The following SLC24A4 variants were observed in gnomAD, a reference collection of about 807,000 sequenced individuals.
SLC24A4 encodes sodium/potassium/calcium exchanger 4.
SLC24A4 carries 53 observed loss-of-function variants against 79.0 expected under a neutral mutation model. The observed-to-expected ratio is 0.67, with a 90% confidence interval of 0.54 to 0.84. The LOEUF (loss-of-function observed/expected upper bound fraction) is 0.84. Ranked by LOEUF, SLC24A4 falls within the 40% of genes least tolerant of loss-of-function variation. The pLI is 0.00. For synonymous variants in SLC24A4, 323 were observed against 323.8 expected, an observed-to-expected ratio of 1.00 and a Z score of 0.03; for missense variants, 731 against 822.0, an observed-to-expected ratio of 0.89 and a Z score of 1.35.
intron 2 of SLC24A4, among the ~76,000 whole-genome samples, chr14:92,412,455 G>C (rs187521909): frequency 1.8e-4 from 27 of 152,278 alleles, no homozygotes; most frequent in Middle Eastern, 3.4e-3. Flanking sequence ...TCAACGCCCC[G>C]CACTCTGAGT....
chr14:92,393,046 G>A (rs1448294947), intron 2 of SLC24A4, among the ~76,000 whole-genome samples: 3 of 148,208 alleles, frequency 2.0e-5, no homozygotes, highest in South Asian at 2.2e-4. Context: ...GTGAGGTCAC[G>A]TGGGAGGCGC....
chr14:92,362,011 G>A (rs921342918), intron 2 of SLC24A4, among the ~76,000 whole-genome samples: 5 of 152,188 alleles, frequency 3.3e-5, no homozygotes, highest in Non-Finnish European at 5.9e-5. Context: ...GGTGGTGCTT[G>A]AGAAGTATTT....
chr14:92,460,011 G>T (rs1322546610), intron 12 of SLC24A4, among the ~76,000 whole-genome samples: 1 of 152,142 alleles, frequency 6.6e-6, no homozygotes, highest in Non-Finnish European at 1.5e-5. Flanking sequence ...GGAATCACAG[G>T]ACCAGGGGAG....
rs552301427 is a variant in SLC24A4 at position 92,499,902 on chromosome 14, C to A, written c.*6274C>A. On this transcript the variant is annotated 3_prime_UTR_variant, in exon 17 of 17. Transcript: ENST00000532405. ...TTGCCCAGGCTGGAGTGCAGTGGCGCGATCTCCACTCACTGCAAGCTCCGC... is the reference window on the plus strand; with the variant it reads ...TTGCCCAGGCTGGAGTGCAGTGGCGAGATCTCCACTCACTGCAAGCTCCGC... 2 of 149,228 alleles carry A rather than the reference C, an allele frequency of 1.3e-5. No individual in the cohort carries two copies. Among genetic ancestry groups the A allele is most frequent in the African/African-American group, 5.0e-5 (2 of 40,364 alleles). 9.2% of individuals were successfully genotyped at this position (149,228 alleles called of 1,614,324 possible).
At position 92,372,919 on chromosome 14, in the gene SLC24A4, TTCTTTCTC is replaced by T. The variant is rs759243367; in HGVS notation, c.241+46943_241+46950del. On this transcript the variant is annotated intron_variant, in intron 2 of 16. Transcript: ENST00000532405. ...TTCCTTCCTTCCTTCCTTCCTTCCT[TTCTTTCTC>T]TTTCTTTCTTTTTCTCTCTCTCTCT... 2.3e-4 allele frequency among the ~76,000 whole-genome samples: 21 copies of T among 90,026 alleles called. 1 individual carries two copies. Among genetic ancestry groups the T allele is most frequent in the Admixed American group, 2.1e-3 (18 of 8,414 alleles). 59.1% of individuals were successfully genotyped at this position (90,026 alleles called of 152,430 possible).
chr14:92,365,567 T>G (rs1016811791), intron 2 of SLC24A4, among the ~76,000 whole-genome samples: 1 of 152,172 alleles, frequency 6.6e-6, no homozygotes, highest in African/African-American at 2.4e-5. Context: ...CCTCAGACCC[T>G]TCCCCTCTGT....
intron 10 of SLC24A4, chr14:92,453,575 C>T (rs977127320): frequency 1.3e-5 from 3 of 239,980 alleles, no homozygotes; most frequent in African/African-American, 6.8e-5. Flanking sequence ...CCTGGTAAGG[C>T]TTAGATAACG....
intron 2 of SLC24A4, among the ~76,000 whole-genome samples, chr14:92,413,461 T>A (rs1385715125): frequency 6.6e-6 from 1 of 152,228 alleles, no homozygotes; most frequent in African/African-American, 2.4e-5. Context: ...TCATCTTTGC[T>A]GAGTTAGAAA....
At chr14:92,345,205 T>G (rs1012074085) in intron 2 of SLC24A4, among the ~76,000 whole-genome samples, 1 of 152,182 alleles carries the variant, frequency 6.6e-6, no homozygotes, top group South Asian at 2.1e-4. Context: ...CCACCATTCA[T>G]TCATCATTCA....
chr14:92,359,393 G>A (rs1181447392), intron 2 of SLC24A4, among the ~76,000 whole-genome samples: 1 of 152,070 alleles, frequency 6.6e-6, no homozygotes, highest in East Asian at 1.9e-4. Context: ...GGCCAACATG[G>A]TGAAACCCTA....
chr14:92,356,173 A>G (rs1309941940), intron 2 of SLC24A4, among the ~76,000 whole-genome samples: 1 of 152,176 alleles, frequency 6.6e-6, no homozygotes, highest in East Asian at 1.9e-4. Context: ...TGTTCTGAGC[A>G]TGCTTAAGAT....
intron 2 of SLC24A4, among the ~76,000 whole-genome samples, chr14:92,406,171 T>A (rs1486822992): frequency 6.6e-6 from 1 of 152,152 alleles, no homozygotes; most frequent in Non-Finnish European, 1.5e-5. Flanking sequence ...TCCAAAATAA[T>A]CTCCTTTGAC....
chr14:92,485,455 G>A (rs1895297262), intron 13 of SLC24A4, among the ~76,000 whole-genome samples: 1 of 151,322 alleles, frequency 6.6e-6, no homozygotes, highest in Admixed American at 6.6e-5. Context: ...ATGGAGCAGA[G>A]CAAGATCCTG....
intron 14 of SLC24A4, among the ~76,000 whole-genome samples, chr14:92,487,517 A>G (rs565556430): frequency 9.3e-4 from 142 of 152,232 alleles, no homozygotes; most frequent in African/African-American, 3.4e-3. Context: ...CCTCCAAGAT[A>G]AAGGGTTGAT....
In SLC24A4 at chr14:92,490,739, G is replaced by A. The variant is rs375295291; in HGVS notation, c.1538-926G>A. Among the ~76,000 whole-genome samples the A allele has an allele frequency of 6.6e-6, 1 of 152,240 alleles. No individual in the cohort carries two copies. The highest frequency in any genetic ancestry group is 6.5e-5 in the Admixed American group (1 of 15,290). On this transcript the variant is annotated intron_variant, in intron 14 of 16. Transcript: ENST00000532405. This position sits in a 1 kb window ranked among gnomAD's most constrained non-coding sequence, Gnocchi z 4.3. ...GAACATGAAGTGAGGCGCAGTGGCC[G>A]GGAGTCCTCATAGAACATCAGCTGA...
intron 10 of SLC24A4, chr14:92,452,244 AG>A (rs1893182650): frequency 6.6e-6 from 1 of 152,226 alleles, no homozygotes. Flanking sequence ...TTCCTCCAGC[AG>A]TACCTGGCAT....
intron 2 of SLC24A4, among the ~76,000 whole-genome samples, chr14:92,430,000 C>T (rs8020997): frequency 0.73 from 111,759 of 152,146 alleles, 41,321 homozygotes; most frequent in East Asian, 0.98. Flanking sequence ...TCTTGGTCGT[C>T]TGTTTACTTG....
chr14:92,358,333 G>A (rs927487944), intron 2 of SLC24A4, among the ~76,000 whole-genome samples: 8 of 152,214 alleles, frequency 5.3e-5, no homozygotes, highest in African/African-American at 1.9e-4. Flanking sequence ...ACCCTGGGCA[G>A]TGATAGATGT....
At chr14:92,402,093 A>G (rs1412125549) in intron 2 of SLC24A4, among the ~76,000 whole-genome samples, 1 of 152,158 alleles carries the variant, frequency 6.6e-6, no homozygotes, top group Non-Finnish European at 1.5e-5. Flanking sequence ...CTCAGATAAC[A>G]TTTATCAACT....
Sources: gnomAD v4.1 joint callset for allele counts (sites outside exome capture counted in the v4.1 genomes callset) on GRCh38, gnomAD v4.1.1 for gene constraint, Gnocchi (gnomAD v3.1) non-coding constraint, MANE v1.5 for transcripts, NCBI Gene and HGNC (gene_info 2026-07-23, HGNC 2026-07-21) for gene names.